The following GKAP1 variants were observed in gnomAD, a reference collection of about 807,000 sequenced individuals.
GKAP1 encodes the protein G kinase anchoring protein 1, also known as G kinase-anchoring protein 1.
GKAP1 carries 31 observed loss-of-function variants against 56.7 expected under a neutral mutation model. That is an observed-to-expected ratio of 0.55 (90% CI 0.41 to 0.74). GKAP1 has a LOEUF of 0.74. GKAP1 is among the 30% of genes least tolerant of loss of function. GKAP1 has a pLI of 0.00. For synonymous variants in GKAP1, 151 were observed against 138.6 expected (o/e 1.09, Z -0.63); for missense variants, 364 against 402.3 (o/e 0.90, Z 0.82).
intron 6 of GKAP1, among the ~76,000 whole-genome samples, chr9:83,782,268 C>T (rs528297806): frequency 1.3e-5 from 2 of 152,094 alleles, no homozygotes; most frequent in Non-Finnish European, 2.9e-5. Flanking sequence ...CTGCTTTGGC[C>T]TCCCAAAGCA....
intron 8 of GKAP1, among the ~76,000 whole-genome samples, chr9:83,763,540 A>C (rs1200203700): frequency 6.6e-6 from 1 of 152,160 alleles, no homozygotes; most frequent in Admixed American, 6.6e-5. Context: ...AAATATATAC[A>C]CCTACTATGT....
intron 4 of GKAP1, among the ~76,000 whole-genome samples, chr9:83,798,351 C>CA (rs1398710586): frequency 1.3e-5 from 2 of 151,984 alleles, no homozygotes; most frequent in Non-Finnish European, 2.9e-5. Context: ...ACTCCACACA[C>CA]AAAAAAGATA....
intron 3 of GKAP1, among the ~76,000 whole-genome samples, chr9:83,801,542 A>T (rs1944331723): frequency 6.6e-6 from 1 of 152,204 alleles, no homozygotes; most frequent in Admixed American, 6.5e-5. Flanking sequence ...AGTAAGATAG[A>T]AACACCACTG....
chr9:83,750,025 G>T (rs1275456912), intron 9 of GKAP1, among the ~76,000 whole-genome samples: 3 of 152,090 alleles, frequency 2.0e-5, no homozygotes, highest in African/African-American at 7.2e-5. Flanking sequence ...CACCCTCTGG[G>T]CTCCAACCTA....
At chr9:83,739,962 T>C (rs1470885302) in intron 12 of GKAP1, among the ~76,000 whole-genome samples, 2 of 152,258 alleles carry the variant, frequency 1.3e-5, no homozygotes. Flanking sequence ...TTACTTCTAT[T>C]TGAATAAGAG....
rs1239642063 is a variant in GKAP1, at chr9:83,817,728, G to C, written c.-387C>G. On this transcript the variant is annotated 5_prime_UTR_variant, in exon 1 of 13. Coordinates refer to ENST00000376371, the MANE Select transcript of GKAP1 (RefSeq NM_025211.4). Reference sequence around the variant, plus strand: ...CGGGGCGCCGGGGCGGACCGCGGAGGTGAGCGCGGCTGCAGGCTGCGGTGA... The same window carrying C: ...CGGGGCGCCGGGGCGGACCGCGGAGCTGAGCGCGGCTGCAGGCTGCGGTGA... 1 of 152,346 alleles carries C rather than the reference G, an allele frequency of 6.6e-6. No homozygotes were observed. Among genetic ancestry groups the C allele is most frequent in the African/African-American group, 2.4e-5 (1 of 41,302 alleles). The allele number at this position is 152,346 out of a possible 1,614,324, so 9.4% of individuals were successfully genotyped here.
At chr9:83,751,795 T>C (rs998654732) in intron 9 of GKAP1, among the ~76,000 whole-genome samples, 1 of 151,830 alleles carries the variant, frequency 6.6e-6, no homozygotes, top group South Asian at 2.1e-4. Context: ...GAGGTAAGAT[T>C]TGTAGTTAAA....
chr9:83,793,635 T>C (rs1944199060), intron 4 of GKAP1, among the ~76,000 whole-genome samples: 1 of 152,074 alleles, frequency 6.6e-6, no homozygotes, highest in South Asian at 2.1e-4. Flanking sequence ...ACAAAAGAAT[T>C]AAAAGTAGTA....
intron 4 of GKAP1, among the ~76,000 whole-genome samples, chr9:83,797,460 T>C (rs550510995): frequency 1.3e-5 from 2 of 152,342 alleles, no homozygotes; most frequent in South Asian, 4.1e-4. Context: ...ATATTGTCCA[T>C]CAGTTGCAAG....
At position 83,768,858 on chromosome 9, in the gene GKAP1, T is replaced by C. The variant is rs1299855270; in HGVS notation, c.698A>G (p.Tyr233Cys). The C allele has an allele frequency of 4.3e-6, 7 of 1,612,694 alleles. No homozygotes were observed. The highest frequency in any genetic ancestry group is 5.9e-6 in the Non-Finnish European group (7 of 1,179,576). The change falls in exon 8 of 13, where the codon TAT becomes TGT. Residue 233 changes from tyrosine to cysteine, a missense_variant. Physicochemically the swap from Tyr to Cys is radical, Grantham distance 194. Coordinates refer to ENST00000376371, the MANE Select transcript of GKAP1 (RefSeq NM_025211.4). ...REKRREQLTE[Y>C]NGTDNCTAHE... is the part of the protein sequence containing the mutation. ...AGCTGTACAATTATCTGTTCCATTA[T>C]ATTCTGTAAGCTGTTCTCTTCGTTT...
chr9:83,816,453 C>G (rs1587750823), intron 2 of GKAP1, among the ~76,000 whole-genome samples: 1 of 152,210 alleles, frequency 6.6e-6, no homozygotes, highest in Non-Finnish European at 1.5e-5. Flanking sequence ...TATTTTCACA[C>G]AAGGTTCTTT....
chr9:83,805,685 G>A (rs147711967), intron 3 of GKAP1, among the ~76,000 whole-genome samples: 2 of 152,094 alleles, frequency 1.3e-5, no homozygotes, highest in East Asian at 3.9e-4. Flanking sequence ...TTATATATGT[G>A]TACAGAAAAC....
intron 3 of GKAP1, among the ~76,000 whole-genome samples, chr9:83,804,170 G>C (rs997514268): frequency 6.7e-6 from 1 of 148,762 alleles, no homozygotes; most frequent in Non-Finnish European, 1.5e-5. Context: ...GGGAGGTGAG[G>C]GGCGCCTCTG....
chr9:83,776,064 G>A (rs1467964289), intron 7 of GKAP1, among the ~76,000 whole-genome samples: 1 of 152,034 alleles, frequency 6.6e-6, no homozygotes, highest in Non-Finnish European at 1.5e-5. Flanking sequence ...GAGTGAAATG[G>A]AGAGTCCTAA....
intron 6 of GKAP1, among the ~76,000 whole-genome samples, chr9:83,781,857 T>TTC (rs1943978605): frequency 6.6e-6 from 1 of 151,288 alleles, no homozygotes; most frequent in Admixed American, 6.6e-5. Context: ...TTTTTTTTTT[T>TTC]TTTTGAGATG....
intron 6 of GKAP1, among the ~76,000 whole-genome samples, chr9:83,783,686 G>A (rs1213132711): frequency 2.6e-5 from 4 of 152,154 alleles, no homozygotes; most frequent in Admixed American, 6.5e-5. Context: ...ATAACTTGAA[G>A]AGGCTGACCA....
At chr9:83,794,147 A>G (rs1944206500) in intron 4 of GKAP1, among the ~76,000 whole-genome samples, 1 of 152,208 alleles carries the variant, frequency 6.6e-6, no homozygotes, top group South Asian at 2.1e-4. Context: ...AGCTTGGGCG[A>G]TGGGAGTAAG....
At chr9:83,753,894 T>C (rs1329881856) in intron 8 of GKAP1, among the ~76,000 whole-genome samples, 1 of 152,154 alleles carries the variant, frequency 6.6e-6, no homozygotes, top group East Asian at 1.9e-4. Context: ...GAACAAAGTA[T>C]GTTTGTAAAT....
chr9:83,754,636 G>A (rs970540320), intron 8 of GKAP1, among the ~76,000 whole-genome samples: 1 of 152,108 alleles, frequency 6.6e-6, no homozygotes, highest in African/African-American at 2.4e-5. Context: ...TGGAGAATTT[G>A]AAGAAAAAAA....
Sources: allele counts gnomAD v4.1 joint callset (sites outside exome capture counted in the v4.1 genomes callset), GRCh38; gene constraint gnomAD v4.1.1; transcripts MANE v1.5; gene names NCBI Gene and HGNC (gene_info 2026-07-23, HGNC 2026-07-21).